The following SMIM17 variants were observed in gnomAD, a reference collection of about 807,000 sequenced individuals.
SMIM17 encodes small integral membrane protein 17.
In SMIM17, 10 loss-of-function variants were observed where a neutral mutation model predicts 12.2. The ratio of observed to expected loss-of-function variants is 0.82; its 90% CI spans 0.50 to 1.39. SMIM17 has a LOEUF of 1.39. Ranked by LOEUF, SMIM17 falls within the 40% of genes most tolerant of loss-of-function variation. The pLI is 0.00. For missense variants in SMIM17, 136 were observed against 118.2 expected (o/e 1.15, Z -0.70); for synonymous variants, 50 against 44.1 (o/e 1.13, Z -0.53).
At chr19:56,643,634 G>A (rs988816692) in intron 1 of SMIM17, among the ~76,000 whole-genome samples, 1 of 152,176 alleles carries the variant, frequency 6.6e-6, no homozygotes, top group African/African-American at 2.4e-5. Flanking sequence ...GTGCGTGTTC[G>A]CGTTGTGTGT....
chr19:56,645,803 G>T lies in SMIM17; in HGVS notation c.136G>T (p.Val46Phe), dbSNP rs2148038014. 1 of 1,535,742 alleles carries T rather than the reference G, an allele frequency of 6.5e-7. No individual in the cohort carries two copies. The highest frequency in any genetic ancestry group is 1.4e-5 in the African/African-American group (1 of 73,174). ...CACCAAAGACTGGGAGGCTGTGGAG[G>T]TTGGGGCCTCCAGCCATGACAGTGA... is the stretch of plus-strand genomic sequence containing the variant. ...ACTKDWEAVEVGASSHDSDEK... is the reference protein window; with the variant it reads ...ACTKDWEAVEFGASSHDSDEK... Residue 46 changes from valine to phenylalanine, a missense_variant, in exon 2 of 4, where the codon GTT becomes TTT. Coordinates refer to ENST00000598409, the MANE Select transcript of SMIM17 (RefSeq NM_001193628.2).
rs62130938 is a variant in SMIM17 at position 56,656,757 on chromosome 19, G to A, written c.*1544G>A. Reference sequence around the variant, plus strand: ...GAGTGCTTTGAAACTCAGTGATTTGGTTTATTTTTTGTTTAAAAATAGTTT... The same window carrying A: ...GAGTGCTTTGAAACTCAGTGATTTGATTTATTTTTTGTTTAAAAATAGTTT... On this transcript the variant is annotated 3_prime_UTR_variant, in exon 4 of 4. Coordinates refer to ENST00000598409, the MANE Select transcript of SMIM17 (RefSeq NM_001193628.2). Among the ~76,000 whole-genome samples the A allele has an allele frequency of 0.33, 50,709 of 152,054 alleles. 10,107 individuals are homozygous for A. Among genetic ancestry groups the A allele is most frequent in the East Asian group, 0.64 (3,298 of 5,172 alleles).
chr19:56,652,864 A>T (rs2045120334), intron 3 of SMIM17, among the ~76,000 whole-genome samples: 1 of 152,142 alleles, frequency 6.6e-6, no homozygotes, highest in African/African-American at 2.4e-5. Flanking sequence ...TAAACCATAC[A>T]AGTAGCGGCC....
chr19:56,655,064 C>T (rs1306065159), intron 3 of SMIM17, 39 bp from the exon 4 acceptor site: 3 of 642,968 alleles, frequency 4.7e-6, no homozygotes, highest in East Asian at 5.5e-5. Flanking sequence ...GTGGCCCCTT[C>T]CTTTCCAATA....
chr19:56,643,669 C>G (rs1489769686), intron 1 of SMIM17, among the ~76,000 whole-genome samples: 1 of 152,222 alleles, frequency 6.6e-6, no homozygotes, highest in Non-Finnish European at 1.5e-5. Context: ...GTGGACCACC[C>G]TGCAACGGTG....
At chr19:56,647,420 T>TGA (rs72370552) in intron 2 of SMIM17, 138 bp from the exon 3 acceptor site, 11,596 of 545,422 alleles carry the variant, frequency 0.021, 51 homozygotes, top group African/African-American at 0.046. Context: ...AGAAGGAGGG[T>TGA]GAGAGAGAGA....
intron 3 of SMIM17, among the ~76,000 whole-genome samples, chr19:56,652,845 T>A (rs887605407): frequency 1.3e-5 from 2 of 152,152 alleles, no homozygotes; most frequent in South Asian, 2.1e-4. Context: ...AAGGAGCAAC[T>A]ACAAACTGTA....
intron 2 of SMIM17, 65 bp from the exon 3 acceptor site, chr19:56,647,493 G>A (rs1193711982): frequency 8.4e-7 from 1 of 1,196,080 alleles, no homozygotes; most frequent in Non-Finnish European, 1.2e-6. Context: ...AGTGGGAAGA[G>A]CCCACTCCTG....
At chr19:56,650,199 G>A (rs754279680) in intron 3 of SMIM17, among the ~76,000 whole-genome samples, 12 of 152,122 alleles carry the variant, frequency 7.9e-5, no homozygotes, top group Middle Eastern at 3.4e-3. Flanking sequence ...ACGGAATCTC[G>A]CTCTGTCACC....
intron 3 of SMIM17, among the ~76,000 whole-genome samples, chr19:56,650,986 G>A (rs913558478): frequency 6.6e-6 from 1 of 152,138 alleles, no homozygotes. Flanking sequence ...GATAGGGGAG[G>A]GCCTCTCATT....
At chr19:56,650,408 G>A (rs375031206) in intron 3 of SMIM17, among the ~76,000 whole-genome samples, 1 of 152,208 alleles carries the variant, frequency 6.6e-6, no homozygotes, top group African/African-American at 2.4e-5. Context: ...TCTTGACCTC[G>A]TAATCCGCCC....
rs943852554 is a variant in SMIM17, at chr19:56,651,343, CAG to C, written c.246+3713_246+3714del. 8.7e-4 allele frequency among the ~76,000 whole-genome samples: 133 copies of C among 152,210 alleles called. 1 individual carries two copies. The highest frequency in any genetic ancestry group is 3.1e-3 in the African/African-American group (129 of 41,542). On this transcript the variant is annotated intron_variant, in intron 3 of 3. Coordinates refer to ENST00000598409, the MANE Select transcript of SMIM17 (RefSeq NM_001193628.2). ...CTAGGTGTCCTGCCTGTGCTTGGGG[CAG>C]AGATGAAGGCCTCTCTCTCCCTGTT... is the stretch of plus-strand genomic sequence containing the variant.
intron 2 of SMIM17, among the ~76,000 whole-genome samples, chr19:56,646,254 G>A (rs939164756): frequency 1.3e-5 from 2 of 152,148 alleles, no homozygotes; most frequent in Admixed American, 6.5e-5. Context: ...GTGCTTGCAG[G>A]GTTCTCAGGG....
chr19:56,647,417 G>C, intron 2 of SMIM17, 141 bp from the exon 3 acceptor site: 1 of 590,270 alleles, frequency 1.7e-6, no homozygotes, highest in Non-Finnish European at 2.9e-6. Flanking sequence ...GAGAGAAGGA[G>C]GGTGAGAGAG....
At chr19:56,652,629 G>A (rs55670483) in intron 3 of SMIM17, among the ~76,000 whole-genome samples, 4,247 of 151,312 alleles carry the variant, frequency 0.028, 179 homozygotes, top group African/African-American at 0.098. Flanking sequence ...TCCAGCCTGG[G>A]CGATACAGCG....
intron 2 of SMIM17, 53 bp from the exon 3 acceptor site, chr19:56,647,505 C>T (rs2045073831): frequency 2.2e-6 from 3 of 1,368,662 alleles, no homozygotes; most frequent in Non-Finnish European, 2.0e-6. Context: ...CCACTCCTGC[C>T]ATCTGGCCAC....
chr19:56,647,518 A>G, intron 2 of SMIM17, 40 bp from the exon 3 acceptor site: 1 of 1,482,414 alleles, frequency 6.7e-7, no homozygotes, highest in Non-Finnish European at 9.0e-7. Context: ...CTGGCCACTC[A>G]CTCATGGCTC....
At chr19:56,652,345 A>T (rs1291013951) in intron 3 of SMIM17, among the ~76,000 whole-genome samples, 1 of 151,878 alleles carries the variant, frequency 6.6e-6, no homozygotes, top group Non-Finnish European at 1.5e-5. Context: ...GGAACCCTGG[A>T]ATGTGAATAG....
chr19:56,651,539 AC>A (rs575729133), intron 3 of SMIM17, among the ~76,000 whole-genome samples: 107 of 152,336 alleles, frequency 7.0e-4, no homozygotes, highest in African/African-American at 2.5e-3. Context: ...CATATGTAAC[AC>A]CTGCAAATCT....
Sources: allele counts gnomAD v4.1 joint callset (sites outside exome capture counted in the v4.1 genomes callset), GRCh38; gene constraint gnomAD v4.1.1; transcripts MANE v1.5; gene names NCBI Gene and HGNC (gene_info 2026-07-23, HGNC 2026-07-21).